SPRY3: variants seen among roughly 807,000 people sequenced by gnomAD.
SPRY3 encodes protein sprouty homolog 3.
In SPRY3, 15 loss-of-function variants were observed where a neutral mutation model predicts 20.2. The observed-to-expected ratio is 0.74, with a 90% CI of 0.50 to 1.14. The LOEUF (loss-of-function observed/expected upper bound fraction) is 1.14, where lower values mean the gene tolerates loss of function less well. Ranked by LOEUF, SPRY3 falls within the 50% of genes most tolerant of loss-of-function variation. The pLI, the probability that SPRY3 is intolerant of heterozygous loss-of-function variation, is 0.00. For missense variants in SPRY3, 364 were observed against 363.9 expected (o/e 1.00, Z 0.00); for synonymous variants, 143 against 136.5 (o/e 1.05, Z -0.33).
intron 2 of SPRY3, among the ~76,000 whole-genome samples, chrX:155,659,355 C>T (rs2068003113): frequency 1.8e-5 from 2 of 109,950 alleles, no homozygotes; most frequent in Non-Finnish European, 3.8e-5. Flanking sequence ...CCATGTTAGC[C>T]AGGATGGTCT....
intron 2 of SPRY3, among the ~76,000 whole-genome samples, chrX:155,717,557 G>GC (rs897396786): frequency 5.9e-4 from 89 of 151,248 alleles, no homozygotes; most frequent in Non-Finnish European, 1.2e-3. Context: ...CCCTCCTCTT[G>GC]CCCCCCACCC....
At chrX:155,767,756 G>GAGAGGAGGAGGAGGAGAC (rs1569400147) in intron 2 of SPRY3, 6 of 87,110 alleles carry the variant, frequency 6.9e-5, no homozygotes, top group Non-Finnish European at 1.1e-4. Context: ...GAGGAGGAGA[G>GAGAGGAGGAGGAGGAGAC]AGAGGAGGAG....
At chrX:155,692,168 G>GT (rs1358511141) in intron 2 of SPRY3, among the ~76,000 whole-genome samples, 1 of 109,520 alleles carries the variant, frequency 9.1e-6, no homozygotes, top group African/African-American at 3.4e-5. Flanking sequence ...AGAGGGAATA[G>GT]TAAATGGGTA....
At chrX:155,614,925 A>G (rs2067846200) in intron 1 of SPRY3, among the ~76,000 whole-genome samples, 1 of 111,751 alleles carries the variant, frequency 8.9e-6, no homozygotes. Context: ...TTCCCGCCAC[A>G]CCAGCTGTTC....
rs189424924 is a variant in SPRY3 at position 155,749,555 on chromosome X, T to A, written c.-281-18407T>A. On this transcript the variant is annotated intron_variant, in intron 2 of 3. Coordinates refer to ENST00000675360, the Ensembl canonical transcript of SPRY3. ...CAAAAGGAACACAAAATAAAAAAAA[T>A]TTGAGGTGGAAGTATCTGGGGGTTT... is the stretch of plus-strand genomic sequence containing the variant. Among the ~76,000 whole-genome samples the A allele has an allele frequency of 5.5e-3, 835 of 151,568 alleles. 33 individuals are homozygous for A. In the East Asian group the frequency reaches 0.15, roughly 27 times the overall value.
At chrX:155,745,603 A>G (rs2091221871) in intron 2 of SPRY3, among the ~76,000 whole-genome samples, 1 of 152,080 alleles carries the variant, frequency 6.6e-6, no homozygotes, top group Admixed American at 6.6e-5. Context: ...TGATTTCTCA[A>G]TAGATTTATA....
At chrX:155,723,253 G>T (rs1326880399) in intron 2 of SPRY3, among the ~76,000 whole-genome samples, 2 of 152,116 alleles carry the variant, frequency 1.3e-5, no homozygotes, top group Non-Finnish European at 2.9e-5. Context: ...ACATGTGCAT[G>T]TGTCTTTATA....
chrX:155,615,416 G>C (rs1379652051), intron 1 of SPRY3, among the ~76,000 whole-genome samples: 1 of 111,940 alleles, frequency 8.9e-6, no homozygotes. Context: ...CTTGAAAGGT[G>C]GTTAAAACTA....
intron 2 of SPRY3, among the ~76,000 whole-genome samples, chrX:155,765,348 C>T (rs928445952): frequency 2.0e-5 from 3 of 152,098 alleles, no homozygotes; most frequent in African/African-American, 4.8e-5. Flanking sequence ...AACTGTGTAA[C>T]CTTGGACAAG....
At chrX:155,745,103 A>C (rs1217231452) in intron 2 of SPRY3, among the ~76,000 whole-genome samples, 3 of 152,036 alleles carry the variant, frequency 2.0e-5, no homozygotes, top group Non-Finnish European at 4.4e-5. Flanking sequence ...ATCCTATGCA[A>C]GTCTCAGGAA....
chrX:155,719,989 C>T (rs2091045973), intron 2 of SPRY3, among the ~76,000 whole-genome samples: 1 of 152,114 alleles, frequency 6.6e-6, no homozygotes, highest in South Asian at 2.1e-4. Context: ...ACCAAATGGG[C>T]TCTTGGAGTC....
intron 2 of SPRY3, among the ~76,000 whole-genome samples, chrX:155,698,338 TA>T (rs1488090115): frequency 9.0e-6 from 1 of 111,637 alleles, no homozygotes; most frequent in Admixed American, 9.5e-5. Flanking sequence ...GCAAACCACA[TA>T]AAAAATGGAT....
intron 2 of SPRY3, among the ~76,000 whole-genome samples, chrX:155,767,584 A>C (rs1004464342): frequency 7.9e-6 from 1 of 126,768 alleles, no homozygotes; most frequent in Non-Finnish European, 1.6e-5. Context: ...AGGAGGAAGA[A>C]GGGGAGGAGG....
chrX:155,749,776 G>C (rs2091250932), intron 2 of SPRY3, among the ~76,000 whole-genome samples: 1 of 151,848 alleles, frequency 6.6e-6, no homozygotes, highest in African/African-American at 2.4e-5. Flanking sequence ...GAAAATTATA[G>C]GAGAATCAGT....
rs2091407128 is a variant in SPRY3, at chrX:155,774,385, C to T, written c.514C>T (p.Gln172Ter). ...TCTCCCCTCCTGCTGGCTGTGCAAC[C>T]AGCGCTGCCTTTGCTCTGCTGAGAG... The change falls in exon 4 of 4, where the codon CAG becomes TAG. Residue 172 changes from glutamine (Q) to a stop codon, truncating the protein, a stop_gained. Coordinates refer to ENST00000675360, the Ensembl canonical transcript of SPRY3. LOFTEE classifies it high-confidence loss of function. 6.2e-7 allele frequency: 1 copy of T among 1,614,018 alleles called. No homozygotes were observed. The highest frequency in any genetic ancestry group is 8.5e-7 in the Non-Finnish European group (1 of 1,179,878).
chrX:155,615,265 A>G (rs1409881198), intron 1 of SPRY3, among the ~76,000 whole-genome samples: 1 of 112,838 alleles, frequency 8.9e-6, no homozygotes, highest in African/African-American at 3.2e-5. Context: ...GCTCTAGGCC[A>G]AATTATCACC....
intron 2 of SPRY3, among the ~76,000 whole-genome samples, chrX:155,749,223 A>G (rs1038523244): frequency 6.6e-6 from 1 of 151,960 alleles, no homozygotes; most frequent in Non-Finnish European, 1.5e-5. Context: ...AGTGGTAACT[A>G]TGTGTTGGTT....
chrX:155,673,112 C>G (rs1263914497), intron 2 of SPRY3, among the ~76,000 whole-genome samples: 2 of 92,173 alleles, frequency 2.2e-5, no homozygotes, highest in African/African-American at 7.8e-5. Context: ...ATACCTAATG[C>G]TAAATGACAA....
intron 2 of SPRY3, among the ~76,000 whole-genome samples, chrX:155,692,115 A>G (rs2068103561): frequency 9.1e-6 from 1 of 110,405 alleles, no homozygotes; most frequent in Middle Eastern, 4.2e-3. Context: ...GAGTAGAATG[A>G]TGGTTACCAG....
Sources: allele counts gnomAD v4.1 joint callset (sites outside exome capture counted in the v4.1 genomes callset), GRCh38; gene constraint gnomAD v4.1.1; transcripts MANE v1.5; gene names NCBI Gene and HGNC (gene_info 2026-07-23, HGNC 2026-07-21).